Variants in DHRSX observed in about 807,000 individuals in gnomAD.
DHRSX encodes dehydrogenase/reductase X-linked, also known as polyprenol dehydrogenase.
A neutral mutation model predicts 34.0 loss-of-function variants in DHRSX; 31 were observed. The ratio of observed to expected loss-of-function variants is 0.91; its 90% confidence interval spans 0.69 to 1.23. The LOEUF (loss-of-function observed/expected upper bound fraction) is 1.23, where lower values mean the gene tolerates loss of function less well. Ranked by LOEUF, DHRSX falls within the 50% of genes most tolerant of loss-of-function variation. The pLI is 0.00. For synonymous variants in DHRSX, 201 were observed against 183.8 expected (o/e 1.09, Z -0.76); for missense variants, 414 against 428.1 (o/e 0.97, Z 0.29).
intron 1 of DHRSX, among the ~76,000 whole-genome samples, chrX:2,475,443 T>A (rs58223527): frequency 0.2 from 30,728 of 150,096 alleles, 4,168 homozygotes; most frequent in African/African-American, 0.39. Flanking sequence ...CCTAAGCATG[T>A]GGCACAAGGG....
At chrX:2,373,386 C>G (rs1344963605) in intron 3 of DHRSX, among the ~76,000 whole-genome samples, 6 of 152,146 alleles carry the variant, frequency 3.9e-5, no homozygotes, top group Non-Finnish European at 8.8e-5. Flanking sequence ...TCTAGGGAAG[C>G]TATGCTGTGT....
intron 3 of DHRSX, among the ~76,000 whole-genome samples, chrX:2,358,032 T>C (rs1004046993): frequency 6.6e-6 from 1 of 152,188 alleles, no homozygotes; most frequent in East Asian, 1.9e-4. Context: ...CAGAATCAAG[T>C]GATAGCATGT....
chrX:2,311,826 T>TAATGAGC (rs2042168822), intron 3 of DHRSX, among the ~76,000 whole-genome samples: 1 of 152,096 alleles, frequency 6.6e-6, no homozygotes, highest in African/African-American at 2.4e-5. Flanking sequence ...CATAGGTTGC[T>TAATGAGC]AATGAGCGTC....
At chrX:2,430,350 C>A (rs1417035035) in intron 1 of DHRSX, among the ~76,000 whole-genome samples, 1 of 151,806 alleles carries the variant, frequency 6.6e-6, no homozygotes, top group Non-Finnish European at 1.5e-5. Context: ...TCCTTACGGA[C>A]CAGGAAGCTG....
intron 3 of DHRSX, among the ~76,000 whole-genome samples, chrX:2,385,201 CCATCACCAT>C (rs1488566128): frequency 6.6e-6 from 1 of 151,562 alleles, no homozygotes; most frequent in Non-Finnish European, 1.5e-5. Context: ...ACCATCATTA[CCATCACCAT>C]CATCACCATC....
intron 5 of DHRSX, among the ~76,000 whole-genome samples, chrX:2,266,334 G>A (rs2041470287): frequency 7.0e-6 from 1 of 142,940 alleles, no homozygotes; most frequent in African/African-American, 2.7e-5. Flanking sequence ...CAGACACAGG[G>A]AGCACTGTCC....
At chrX:2,327,139 C>G (rs1467984686) in intron 3 of DHRSX, among the ~76,000 whole-genome samples, 2 of 152,186 alleles carry the variant, frequency 1.3e-5, no homozygotes, top group Non-Finnish European at 2.9e-5. Context: ...TAGCTTTCAA[C>G]AACACTTTTC....
intron 3 of DHRSX, among the ~76,000 whole-genome samples, chrX:2,373,197 G>T (rs1202488201): frequency 6.6e-6 from 1 of 152,090 alleles, no homozygotes; most frequent in Non-Finnish European, 1.5e-5. Flanking sequence ...ACAGTATGCG[G>T]GTCACCGCGC....
At chrX:2,312,078 A>G (rs1450178365) in intron 3 of DHRSX, among the ~76,000 whole-genome samples, 1 of 152,018 alleles carries the variant, frequency 6.6e-6, no homozygotes, top group Non-Finnish European at 1.5e-5. Flanking sequence ...AAGCTGTGAT[A>G]GTATCTGTCT....
At chrX:2,314,586 T>C (rs979225760) in intron 3 of DHRSX, among the ~76,000 whole-genome samples, 1 of 149,576 alleles carries the variant, frequency 6.7e-6, no homozygotes, top group Non-Finnish European at 1.5e-5. Context: ...TTTCAAGGTA[T>C]GGCAAGGAAA....
chrX:2,480,610 G>A (rs1379106719), intron 1 of DHRSX, among the ~76,000 whole-genome samples: 2 of 151,692 alleles, frequency 1.3e-5, no homozygotes, highest in Non-Finnish European at 2.9e-5. Flanking sequence ...TTCAGCCCAG[G>A]AATTCAAGAC....
At chrX:2,350,876 G>A (rs911276835) in intron 3 of DHRSX, among the ~76,000 whole-genome samples, 1 of 152,130 alleles carries the variant, frequency 6.6e-6, no homozygotes, top group African/African-American at 2.4e-5. Flanking sequence ...GTGGTATGTA[G>A]ACACTATGGA....
rs557553952 is a variant in DHRSX at position 2,479,493 on chromosome X, G to A, written c.109+21324C>T. Reference sequence around the variant, plus strand: ...CTAAGCATGTGGCTACGGGACCACCGTGTACGCACTGAAGACATTCCGTAA... The same window carrying A: ...CTAAGCATGTGGCTACGGGACCACCATGTACGCACTGAAGACATTCCGTAA... On this transcript the variant is annotated intron_variant, in intron 1 of 6. Transcript: ENST00000334651. Among the ~76,000 whole-genome samples, 24 of 151,582 alleles carry A rather than the reference G, an allele frequency of 1.6e-4. No individual in the cohort carries two copies. The East Asian group carries it at 3.1e-3, about 20-fold the overall frequency.
chrX:2,459,187 A>G (rs963536844), intron 1 of DHRSX, among the ~76,000 whole-genome samples: 1 of 152,056 alleles, frequency 6.6e-6, no homozygotes, highest in Non-Finnish European at 1.5e-5. Flanking sequence ...CATAAAAGAA[A>G]TAAATTCAAA....
At chrX:2,449,879 C>T (rs746296468) in intron 1 of DHRSX, among the ~76,000 whole-genome samples, 16 of 152,192 alleles carry the variant, frequency 1.1e-4, no homozygotes, top group African/African-American at 3.9e-4. Context: ...TGTACTCAAG[C>T]GATCCACCGG....
intron 3 of DHRSX, among the ~76,000 whole-genome samples, chrX:2,302,853 C>T (rs1209425519): frequency 6.6e-6 from 1 of 151,984 alleles, no homozygotes; most frequent in Non-Finnish European, 1.5e-5. Flanking sequence ...TTCTTAAATG[C>T]ATTTTTTTTA....
At chrX:2,406,770 T>C (rs2043561060) in intron 3 of DHRSX, among the ~76,000 whole-genome samples, 2 of 151,998 alleles carry the variant, frequency 1.3e-5, no homozygotes, top group Admixed American at 6.6e-5. Flanking sequence ...TAATTACAAG[T>C]GTTGGGGAGG....
At chrX:2,338,013 A>AAAT (rs1386686764) in intron 3 of DHRSX, 1 of 151,748 alleles carries the variant, frequency 6.6e-6, no homozygotes, top group Non-Finnish European at 1.5e-5. Context: ...AGACAAAAAA[A>AAAT]AAAAAAAAGC....
chrX:2,490,075 G>A lies in DHRSX; in HGVS notation c.109+10742C>T, dbSNP rs373097064. 15 of 1,613,768 alleles carry A rather than the reference G, an allele frequency of 9.3e-6. No homozygotes were observed. In the African/African-American group the frequency reaches 1.2e-4, roughly 13 times the overall value. ...TGGGGGCGCCCAGGCCCAGGAAGTG[G>A]GCGGCCAGCGTGACGTAGGCGCGGT... On this transcript the variant is annotated intron_variant, in intron 1 of 6. Coordinates refer to ENST00000334651, the MANE Select transcript of DHRSX (RefSeq NM_145177.3).
Sources: allele counts gnomAD v4.1 joint callset (sites outside exome capture counted in the v4.1 genomes callset), GRCh38; gene constraint gnomAD v4.1.1; transcripts MANE v1.5; gene names NCBI Gene and HGNC (gene_info 2026-07-23, HGNC 2026-07-21).